TAF4B: variants seen among roughly 807,000 people sequenced by gnomAD.
TAF4B encodes TATA-box binding protein associated factor 4b.
TAF4B carries 38 observed loss-of-function variants against 86.4 expected under a neutral mutation model. The observed-to-expected ratio is 0.44, with a 90% CI of 0.34 to 0.58. The LOEUF (loss-of-function observed/expected upper bound fraction) is 0.58, where lower values mean the gene tolerates loss of function less well. Among genes scored for constraint, TAF4B ranks in the 20% least tolerant of loss-of-function variants. TAF4B has a pLI of 0.02. For missense variants in TAF4B, 988 were observed against 1,027.6 expected, an observed-to-expected ratio of 0.96 and a Z score of 0.53; for synonymous variants, 388 against 391.2, an observed-to-expected ratio of 0.99 and a Z score of 0.10.
chr18:26,262,262 T>C (rs915688097), intron 1 of TAF4B, among the ~76,000 whole-genome samples: 1 of 150,978 alleles, frequency 6.6e-6, no homozygotes, highest in African/African-American at 2.4e-5. Context: ...CCCGGGAAGA[T>C]ACCATAGCCT....
intron 9 of TAF4B, among the ~76,000 whole-genome samples, chr18:26,308,139 A>G (rs2056815650): frequency 6.6e-6 from 1 of 152,164 alleles, no homozygotes; most frequent in South Asian, 2.1e-4. Flanking sequence ...CTGTAATCCT[A>G]GCTACTTGGG....
chr18:26,239,187 C>G (rs568347037), intron 1 of TAF4B, among the ~76,000 whole-genome samples: 1 of 152,112 alleles, frequency 6.6e-6, no homozygotes, highest in Admixed American at 6.5e-5. Context: ...AATGGTTGAA[C>G]TAGTTTGCAT....
chr18:26,357,193 G>T (rs1436306213), intron 13 of TAF4B, among the ~76,000 whole-genome samples: 4 of 152,070 alleles, frequency 2.6e-5, no homozygotes, highest in Non-Finnish European at 5.9e-5. Flanking sequence ...ATAAAAAGAG[G>T]ATGATGTATA....
intron 14 of TAF4B, among the ~76,000 whole-genome samples, chr18:26,379,030 T>C (rs1567930848): frequency 6.6e-6 from 1 of 152,182 alleles, no homozygotes. Flanking sequence ...TTTTGTGGCC[T>C]ATGTTTTCAT....
intron 13 of TAF4B, among the ~76,000 whole-genome samples, chr18:26,346,907 G>GTGTATGTGTATA (rs1171773933): frequency 3.6e-4 from 4 of 11,220 alleles, no homozygotes; most frequent in Admixed American, 1.1e-3. Context: ...ATATGTGTGT[G>GTGTATGTGTATA]TATATATATA....
chr18:26,278,931 T>C (rs999129752), intron 5 of TAF4B, among the ~76,000 whole-genome samples: 16 of 152,076 alleles, frequency 1.1e-4, no homozygotes, highest in African/African-American at 3.6e-4. Flanking sequence ...AACATCATAT[T>C]GAATGGGCAG....
At chr18:26,317,321 G>T (rs1442606513) in intron 10 of TAF4B, among the ~76,000 whole-genome samples, 1 of 152,126 alleles carries the variant, frequency 6.6e-6, no homozygotes, top group African/African-American at 2.4e-5. Context: ...GTGAGCCACT[G>T]TGCCCAGCCT....
At chr18:26,243,551 G>T (rs1370718007) in intron 1 of TAF4B, among the ~76,000 whole-genome samples, 1 of 152,176 alleles carries the variant, frequency 6.6e-6, no homozygotes, top group Non-Finnish European at 1.5e-5. Context: ...AGAGAAGTGT[G>T]TTATTACTGG....
intron 14 of TAF4B, among the ~76,000 whole-genome samples, chr18:26,366,771 G>A (rs964770372): frequency 6.6e-6 from 1 of 152,130 alleles, no homozygotes; most frequent in South Asian, 2.1e-4. Flanking sequence ...TTTTTTAGGT[G>A]AACAGTTGTT....
chr18:26,385,527 T>C (rs1978324891), intron 14 of TAF4B, among the ~76,000 whole-genome samples: 1 of 151,188 alleles, frequency 6.6e-6, no homozygotes, highest in South Asian at 2.2e-4. Flanking sequence ...GGACATCTTT[T>C]GTGCACCTGG....
chr18:26,270,472 T>A (rs986521968), intron 3 of TAF4B, among the ~76,000 whole-genome samples: 1 of 152,172 alleles, frequency 6.6e-6, no homozygotes, highest in Non-Finnish European at 1.5e-5. Flanking sequence ...TTGTAGTTTT[T>A]AAAAAAATTA....
rs758647457 is a variant in TAF4B, at chr18:26,389,832, T to A, written c.2422-13T>A. 6.3e-7 allele frequency: 1 copy of A among 1,598,284 alleles called. No homozygotes were observed. Among genetic ancestry groups the A allele is most frequent in the Admixed American group, 1.8e-5 (1 of 55,452 alleles). ...TTTTTATTTCAAATTGCTTTTCCTT[T>A]TATTATTTTTAGGGCTTAAAAGACA... On this transcript the variant is annotated splice_polypyrimidine_tract_variant and intron_variant, in intron 14 of 14. Transcript: ENST00000269142.
chr18:26,295,051 A>G (rs905268523), intron 9 of TAF4B: 2 of 152,350 alleles, frequency 1.3e-5, no homozygotes, highest in Non-Finnish European at 2.8e-5. Flanking sequence ...TTATCTGGCA[A>G]ACATTTGGAT....
At chr18:26,234,084 A>G (rs1009653909) in intron 1 of TAF4B, among the ~76,000 whole-genome samples, 1 of 152,076 alleles carries the variant, frequency 6.6e-6, no homozygotes, top group Non-Finnish European at 1.5e-5. Context: ...TCTGTTGTTA[A>G]CCACCCCGAG....
chr18:26,296,113 T>C (rs2056659189), intron 9 of TAF4B, among the ~76,000 whole-genome samples: 1 of 152,130 alleles, frequency 6.6e-6, no homozygotes, highest in Non-Finnish European at 1.5e-5. Flanking sequence ...TGTCAGTTTT[T>C]CCCTTGTTTT....
intron 1 of TAF4B, among the ~76,000 whole-genome samples, chr18:26,230,735 T>C (rs1040367330): frequency 3.9e-5 from 6 of 152,178 alleles, no homozygotes; most frequent in African/African-American, 1.4e-4. Flanking sequence ...AAGGTCCTTT[T>C]TGATTACAAG....
intron 1 of TAF4B, among the ~76,000 whole-genome samples, chr18:26,248,042 ATT>A (rs750349158): frequency 8.4e-5 from 7 of 83,544 alleles, no homozygotes; most frequent in Admixed American, 1.3e-4. Flanking sequence ...TGCCCAGCTA[ATT>A]TTTTTTTTTT....
chr18:26,346,861 G>GTATATA lies in TAF4B; in HGVS notation c.2317-10821_2317-10816dup, dbSNP rs1173384806. Among the ~76,000 whole-genome samples the GTATATA allele has an allele frequency of 4.7e-3, 84 of 17,774 alleles. 12 individuals carry two copies. The highest frequency in any genetic ancestry group is 0.01 in the Admixed American group (19 of 1,824). 11.7% of individuals were successfully genotyped at this position (17,774 alleles called of 152,430 possible). The stretch of plus-strand genomic sequence containing the variant: ...TGTGTGTGTGTATATATATATATGT[G>GTATATA]TATATATATATATGTGTATATATAT... On this transcript the variant is annotated intron_variant, in intron 13 of 14. Coordinates refer to ENST00000269142, the MANE Select transcript of TAF4B (RefSeq NM_005640.3).
At chr18:26,241,369 C>T (rs140997346) in intron 1 of TAF4B, among the ~76,000 whole-genome samples, 16 of 152,206 alleles carry the variant, frequency 1.1e-4, no homozygotes, top group Admixed American at 3.9e-4. Context: ...AGTTTATTTG[C>T]GTAGAGGAGT....
Sources: gnomAD v4.1 joint callset for allele counts (sites outside exome capture counted in the v4.1 genomes callset) on GRCh38, gnomAD v4.1.1 for gene constraint, MANE v1.5 for transcripts, NCBI Gene and HGNC (gene_info 2026-07-23, HGNC 2026-07-21) for gene names.